CBY1: variants seen among roughly 807,000 people sequenced by gnomAD.
The protein encoded by CBY1 is protein chibby homolog 1.
A neutral mutation model predicts 15.6 loss-of-function variants in CBY1; 10 were observed. The ratio of observed to expected loss-of-function variants is 0.64; its 90% CI spans 0.40 to 1.09. The LOEUF is 1.09. Ranked by LOEUF, CBY1 falls within the 50% of genes least tolerant of loss-of-function variation. The pLI, the probability that CBY1 is intolerant of heterozygous loss-of-function variation, is 0.01. For synonymous variants in CBY1, 61 were observed against 63.5 expected (o/e 0.96, Z 0.19); for missense variants, 150 against 160.5 (o/e 0.93, Z 0.35).
At chr22:38,665,877 A>G (rs1056942664) in intron 1 of CBY1, among the ~76,000 whole-genome samples, 1 of 152,156 alleles carries the variant, frequency 6.6e-6, no homozygotes, top group Non-Finnish European at 1.5e-5. Context: ...TCTACTAAAA[A>G]TACAAAAATT....
chr22:38,662,305 A>T (rs1004340964), intron 1 of CBY1, among the ~76,000 whole-genome samples: 10 of 151,670 alleles, frequency 6.6e-5, no homozygotes, highest in African/African-American at 2.2e-4. Context: ...CTGTCTCAAA[A>T]AAAAAAATAA....
rs867054890 is a variant in CBY1 at position 38,671,254 on chromosome 22, T to C, written c.303+66T>C. 4 of 1,189,560 alleles carry C rather than the reference T, an allele frequency of 3.4e-6. No homozygotes were observed. In the South Asian group the frequency reaches 4.9e-5, roughly 15 times the overall value. 73.7% of individuals were successfully genotyped at this position (1,189,560 alleles called of 1,614,324 possible). A position where few individuals can be genotyped will look rare whatever the true frequency, so the allele number is the denominator to read the frequency against. On this transcript the variant is annotated intron_variant, in intron 4 of 4. Transcript: ENST00000216029. The stretch of plus-strand genomic sequence containing the variant: ...TTGGGGAGGCTCCACCTCGAGTCAC[T>C]TAATCCAACAGATATCTCCTCAATG...
chr22:38,657,555 G>T (rs762335730), intron 1 of CBY1, among the ~76,000 whole-genome samples: 2 of 152,232 alleles, frequency 1.3e-5, no homozygotes, highest in Non-Finnish European at 2.9e-5. Flanking sequence ...CAGAATCCCA[G>T]GATCTCAGCT....
intron 1 of CBY1, among the ~76,000 whole-genome samples, chr22:38,659,833 G>C (rs976851872): frequency 2.2e-5 from 3 of 137,936 alleles, no homozygotes; most frequent in Non-Finnish European, 3.0e-5. Context: ...CTGCACTCCA[G>C]CCCGGGCGAC....
chr22:38,659,895 A>G (rs1454613962), intron 1 of CBY1, among the ~76,000 whole-genome samples: 3 of 151,678 alleles, frequency 2.0e-5, no homozygotes, highest in Non-Finnish European at 2.9e-5. Flanking sequence ...ATGTGCCACA[A>G]ATTATTTGGC....
chr22:38,665,872 TA>T (rs2092434345), intron 1 of CBY1, among the ~76,000 whole-genome samples: 4 of 151,374 alleles, frequency 2.6e-5, no homozygotes, highest in Admixed American at 2.0e-4. Flanking sequence ...CTGTCTCTAC[TA>T]AAAATACAAA....
chr22:38,666,095 C>T (rs2092435052), intron 1 of CBY1, among the ~76,000 whole-genome samples: 1 of 151,626 alleles, frequency 6.6e-6, no homozygotes, highest in African/African-American at 2.4e-5. Context: ...ACCTTGGCCT[C>T]CCAAAGTGCT....
chr22:38,669,109 T>A (rs2145786083), intron 2 of CBY1, among the ~76,000 whole-genome samples: 1 of 152,342 alleles, frequency 6.6e-6, no homozygotes, highest in South Asian at 2.1e-4. Context: ...TACATTGTTT[T>A]CCACATGCTG....
At position 38,673,472 on chromosome 22, in the gene CBY1, C is replaced by T. The variant is rs975428393; in HGVS notation, c.*236C>T. On this transcript the variant is annotated 3_prime_UTR_variant, in exon 5 of 5. Transcript: ENST00000216029. Reference sequence around the variant, plus strand: ...GCGGGTGCCAGTCTGAAAACCAGACCGCACAGAGGCCTGGGGCTGCTGATG... The same window carrying T: ...GCGGGTGCCAGTCTGAAAACCAGACTGCACAGAGGCCTGGGGCTGCTGATG... 1.9e-5 allele frequency: 8 copies of T among 432,406 alleles called. No homozygotes were observed. Among genetic ancestry groups the T allele is most frequent in the South Asian group, 4.5e-5 (2 of 44,676 alleles). 26.8% of individuals were successfully genotyped at this position (432,406 alleles called of 1,614,324 possible). A position where few individuals can be genotyped will look rare whatever the true frequency, so the allele number is the denominator to read the frequency against.
chr22:38,671,410 T>C (rs1375523022), intron 4 of CBY1: 10 of 550,400 alleles, frequency 1.8e-5, no homozygotes, highest in African/African-American at 3.8e-5. Context: ...AGTTGGAGTC[T>C]GCACAGGATC....
At chr22:38,659,119 A>G (rs1335327752) in intron 1 of CBY1, among the ~76,000 whole-genome samples, 1 of 151,826 alleles carries the variant, frequency 6.6e-6, no homozygotes, top group Non-Finnish European at 1.5e-5. Context: ...TATTTTTAGT[A>G]GAAATGCGGT....
At chr22:38,663,192 C>T (rs1270675003) in intron 1 of CBY1, among the ~76,000 whole-genome samples, 1 of 152,078 alleles carries the variant, frequency 6.6e-6, no homozygotes, top group African/African-American at 2.4e-5. Context: ...AGCTGTGGCT[C>T]ACACCTGTAA....
intron 1 of CBY1, among the ~76,000 whole-genome samples, chr22:38,664,668 CAAACTACAGAT>C (rs1419578068): frequency 6.6e-6 from 1 of 152,100 alleles, no homozygotes; most frequent in East Asian, 1.9e-4. Flanking sequence ...GGATCTCTTG[CAAACTACAGAT>C]AGGAGTCTAA....
At chr22:38,663,697 CA>C (rs35974746) in intron 1 of CBY1, among the ~76,000 whole-genome samples, 27,045 of 76,228 alleles carry the variant, frequency 0.35, 2,246 homozygotes, top group East Asian at 0.4. Flanking sequence ...ACTCTGTCTC[CA>C]AAAAAAAAAA....
chr22:38,657,077 G>A (rs1380933494), intron 1 of CBY1: 1 of 976,900 alleles, frequency 1.0e-6, no homozygotes, highest in African/African-American at 1.8e-5. Flanking sequence ...AACTCCTTGG[G>A]GGACACGTAT....
At chr22:38,662,997 G>C (rs1323872683) in intron 1 of CBY1, among the ~76,000 whole-genome samples, 1 of 152,020 alleles carries the variant, frequency 6.6e-6, no homozygotes, top group Non-Finnish European at 1.5e-5. Flanking sequence ...GCAGGCGCCT[G>C]TAATCCCAGC....
intron 4 of CBY1, 109 bp downstream of exon 4, chr22:38,671,297 G>A (rs898052663): frequency 8.3e-6 from 7 of 843,054 alleles, no homozygotes; most frequent in Non-Finnish European, 1.4e-5. Context: ...GGCCAGGTAC[G>A]TTGCTTTGCA....
rs781313777 is a variant in CBY1 at position 38,670,920 on chromosome 22, G to C, written c.115G>C (p.Glu39Gln). ...AACCCGGGAGGTGGAGCTGGGCTTGGAATACGGATCCCCGACTATGAACCT... is the reference window on the plus strand; with the variant it reads ...AACCCGGGAGGTGGAGCTGGGCTTGCAATACGGATCCCCGACTATGAACCT... ...RSTREVELGL[E>Q]YGSPTMNLAG... Residue 39 changes from glutamate (E) to glutamine (Q), a missense_variant, in exon 3 of 5, where the codon GAA (glutamate) becomes CAA (glutamine). Physicochemically the swap from Glu to Gln is conservative, Grantham distance 29. Transcript: ENST00000216029. 1.4e-5 allele frequency: 23 copies of C among 1,614,094 alleles called. No individual in the cohort carries two copies. The Admixed American group carries it at 3.7e-4, about 26-fold the overall frequency.
At chr22:38,658,741 G>T (rs2092413121) in intron 1 of CBY1, among the ~76,000 whole-genome samples, 1 of 152,166 alleles carries the variant, frequency 6.6e-6, no homozygotes, top group Non-Finnish European at 1.5e-5. Context: ...CTCCCAAAGT[G>T]CTGGGATGAC....
Sources: allele counts gnomAD v4.1 joint callset (sites outside exome capture counted in the v4.1 genomes callset), GRCh38; gene constraint gnomAD v4.1.1; transcripts MANE v1.5; gene names NCBI Gene and HGNC (gene_info 2026-07-23, HGNC 2026-07-21).